The following ACTN2 variants were observed in gnomAD, a reference collection of about 807,000 sequenced individuals.
ACTN2 encodes the protein actinin alpha 2, also known as alpha-actinin-2.
Under a neutral mutation model 113.8 loss-of-function variants are expected in ACTN2, and 39 were observed. That is an observed-to-expected ratio of 0.34 (90% CI 0.27 to 0.45). The LOEUF (loss-of-function observed/expected upper bound fraction) is 0.45. ACTN2 is among the 20% of genes least tolerant of loss of function. The pLI is 1.00. For missense variants in ACTN2, 992 were observed against 1,177.9 expected (o/e 0.84, Z 2.31); for synonymous variants, 429 against 444.1 (o/e 0.97, Z 0.43).
chr1:236,753,851 T>TG, intron 15 of ACTN2, 96 bp from the exon 16 acceptor site: 1 of 966,966 alleles, frequency 1.0e-6, no homozygotes, highest in Non-Finnish European at 1.5e-6. Flanking sequence ...CCTTCTCCAC[T>TG]CCCACCCCCA....
chr1:236,747,279 G>A (rs2102934050), intron 12 of ACTN2, among the ~76,000 whole-genome samples: 1 of 152,310 alleles, frequency 6.6e-6, no homozygotes, highest in South Asian at 2.1e-4. Context: ...TGTTTACAGT[G>A]ATGACAGTTA....
intron 17 of ACTN2, among the ~76,000 whole-genome samples, chr1:236,755,527 A>G (rs1195387697): frequency 6.6e-6 from 1 of 152,200 alleles, no homozygotes; most frequent in Non-Finnish European, 1.5e-5. Flanking sequence ...GCCAGCAGGT[A>G]TAACTCAGGG....
At chr1:236,741,135 C>T (rs1333105569) in intron 10 of ACTN2, among the ~76,000 whole-genome samples, 2 of 152,192 alleles carry the variant, frequency 1.3e-5, no homozygotes, top group Non-Finnish European at 2.9e-5. Context: ...GCCTTAATCT[C>T]CTGGGCTCAA....
intron 11 of ACTN2, 38 bp from the exon 12 acceptor site, chr1:236,744,588 C>G: frequency 2.5e-6 from 4 of 1,612,488 alleles, no homozygotes; most frequent in Non-Finnish European, 2.5e-6. Flanking sequence ...CCGCTGTGCC[C>G]TCAGCATATT....
intron 15 of ACTN2, 54 bp downstream of exon 15, chr1:236,751,706 C>G: frequency 6.2e-7 from 1 of 1,607,678 alleles, no homozygotes; most frequent in Non-Finnish European, 8.5e-7. Context: ...AAGCTGACGT[C>G]GAAGGAGGAA....
At chr1:236,711,577 T>C (rs1474525214) in intron 1 of ACTN2, among the ~76,000 whole-genome samples, 1 of 152,194 alleles carries the variant, frequency 6.6e-6, no homozygotes, top group Non-Finnish European at 1.5e-5. Flanking sequence ...CTTGAACTCC[T>C]GGCCTCAAGT....
At chr1:236,722,634 C>CAA (rs35608028) in intron 4 of ACTN2, among the ~76,000 whole-genome samples, 94,479 of 111,944 alleles carry the variant, frequency 0.84, 40,222 homozygotes, top group Non-Finnish European at 0.9. Context: ...GACTCCGTCT[C>CAA]AAAAAAAAAA....
chr1:236,689,988 G>A (rs697660), intron 1 of ACTN2, among the ~76,000 whole-genome samples: 13,538 of 152,254 alleles, frequency 0.089, 733 homozygotes, highest in Middle Eastern at 0.19. Flanking sequence ...AATATGTGTC[G>A]ATACGTAAAG....
chr1:236,686,624 G>A lies in ACTN2; in HGVS notation c.-50G>A. ...CGTGGGTCCGTTTGCCAGTCAGCCCGTGCGTCCGAGCCCCTCGCGCCCCGC... is the reference window on the plus strand; with the variant it reads ...CGTGGGTCCGTTTGCCAGTCAGCCCATGCGTCCGAGCCCCTCGCGCCCCGC... On this transcript the variant is annotated 5_prime_UTR_variant, in exon 1 of 21. It adds an upstream start codon to the 5' untranslated region. Transcript: ENST00000366578. 2 of 1,513,586 alleles carry A rather than the reference G, an allele frequency of 1.3e-6. No individual in the cohort carries two copies. The highest frequency in any genetic ancestry group is 1.8e-6 in the Non-Finnish European group (2 of 1,129,448). The allele number at this position is 1,513,586 out of a possible 1,614,324, so 93.8% of individuals were successfully genotyped here.
At chr1:236,695,563 T>TACCCCC (rs1553296741) in intron 1 of ACTN2, among the ~76,000 whole-genome samples, 1 of 100,796 alleles carries the variant, frequency 9.9e-6, no homozygotes, top group Non-Finnish European at 1.9e-5. Context: ...TGAAATGAGT[T>TACCCCC]CCCCCCCCCT....
intron 1 of ACTN2, among the ~76,000 whole-genome samples, chr1:236,698,613 A>G (rs2102867230): frequency 6.6e-6 from 1 of 152,310 alleles, no homozygotes; most frequent in East Asian, 1.9e-4. Flanking sequence ...ATTTTATTGC[A>G]TATTTGGCCT....
At chr1:236,738,048 G>C (rs1033899512) in intron 9 of ACTN2, among the ~76,000 whole-genome samples, 3 of 152,114 alleles carry the variant, frequency 2.0e-5, no homozygotes, top group Non-Finnish European at 4.4e-5. Context: ...CTTGCTCTCT[G>C]GCCCAGGCTG....
chr1:236,747,003 G>A (rs16834325), intron 12 of ACTN2, among the ~76,000 whole-genome samples: 8,329 of 152,210 alleles, frequency 0.055, 322 homozygotes, highest in Middle Eastern at 0.18. Flanking sequence ...ACAATGTGGC[G>A]CAGGCTGACT....
At chr1:236,734,712 C>T (rs957341125) in intron 7 of ACTN2, among the ~76,000 whole-genome samples, 4 of 152,084 alleles carry the variant, frequency 2.6e-5, no homozygotes, top group African/African-American at 9.7e-5. Context: ...GTATGCCGTT[C>T]ATGTTTGTTT....
At position 236,737,313 on chromosome 1, in the gene ACTN2, A is replaced by G. The variant is rs1658915567; in HGVS notation, c.876+99A>G. On this transcript the variant is annotated intron_variant, in intron 9 of 20. Coordinates refer to ENST00000366578, the MANE Select transcript of ACTN2 (RefSeq NM_001103.4). ...TCCGTGGGGGCATATATATATATAT[A>G]TATATTTTGCATTTTTCATCTCAGA... 6.3e-5 allele frequency: 19 copies of G among 303,492 alleles called. 4 individuals carry two copies. The South Asian group carries it at 6.3e-4, about 10-fold the overall frequency. 18.8% of individuals were successfully genotyped at this position (303,492 alleles called of 1,614,324 possible). A position where few individuals can be genotyped will look rare whatever the true frequency, so the allele number is the denominator to read the frequency against.
intron 13 of ACTN2, among the ~76,000 whole-genome samples, chr1:236,748,536 T>C (rs1659303223): frequency 6.6e-6 from 1 of 152,134 alleles, no homozygotes; most frequent in African/African-American, 2.4e-5. Flanking sequence ...CTGCCCCCAC[T>C]TGTCTGCCAT....
At chr1:236,703,609 G>A (rs554928689) in intron 1 of ACTN2, among the ~76,000 whole-genome samples, 1 of 151,666 alleles carries the variant, frequency 6.6e-6, no homozygotes, top group African/African-American at 2.4e-5. Context: ...GGTGGGGGAA[G>A]GGTTTCATCA....
Position 236,690,178 on chromosome 1 carries a change from T to C in ACTN2, c.126+3379T>C, listed in dbSNP as rs529758587. 6.8e-4 allele frequency among the ~76,000 whole-genome samples: 103 copies of C among 152,278 alleles called. 1 individual carries two copies. The highest frequency in any genetic ancestry group is 1.3e-3 in the Non-Finnish European group (90 of 68,020). ...TGGCATTTAGGCAAATGTGTTGCCA[T>C]GTTGGGTCAGGCAGCCTGGCAGGAT... On this transcript the variant is annotated intron_variant, in intron 1 of 20. Coordinates refer to ENST00000366578, the MANE Select transcript of ACTN2 (RefSeq NM_001103.4).
At chr1:236,759,916 A>G (rs1572151047) in intron 19 of ACTN2, 127 bp downstream of exon 19, 1 of 845,950 alleles carries the variant, frequency 1.2e-6, no homozygotes, top group Admixed American at 2.0e-5. Flanking sequence ...TATATAGGAT[A>G]ATATTTTTTG....
Sources: allele counts gnomAD v4.1 joint callset (sites outside exome capture counted in the v4.1 genomes callset), GRCh38; gene constraint gnomAD v4.1.1; transcripts MANE v1.5; gene names NCBI Gene and HGNC (gene_info 2026-07-23, HGNC 2026-07-21).